CR1L: variants seen among roughly 807,000 people sequenced by gnomAD.
CR1L encodes the protein complement C3b/C4b receptor 1 like, also known as complement component receptor 1-like protein.
Under a neutral mutation model 62.3 loss-of-function variants are expected in CR1L, and 59 were observed. That is an observed-to-expected ratio of 0.95 (90% CI 0.77 to 1.18). The LOEUF is 1.18. CR1L is among the 50% of genes most tolerant of loss of function. CR1L has a pLI of 0.00. For missense variants in CR1L, 700 were observed against 702.8 expected (o/e 1.00, Z 0.04); for synonymous variants, 279 against 248.7 (o/e 1.12, Z -1.15).
chr1:207,661,548 T>C (rs553133551), intron 1 of CR1L, among the ~76,000 whole-genome samples: 1 of 152,216 alleles, frequency 6.6e-6, no homozygotes, highest in African/African-American at 2.4e-5. Context: ...TCTCTGCACA[T>C]GAGATGGGTT....
intron 9 of CR1L, among the ~76,000 whole-genome samples, chr1:207,706,258 A>C (rs1382394825): frequency 1.3e-5 from 2 of 151,716 alleles, no homozygotes; most frequent in Non-Finnish European, 2.9e-5. Flanking sequence ...CATCTCTACA[A>C]AAAAGTATAA....
In CR1L at chr1:207,669,902, G is replaced by A. The variant is rs964472412; in HGVS notation, c.98-7487G>A. ...TCGGCTGGCTATAGCCGAGCGTGGCGTCGATCCTAGCGAAACGGGACTTGG... is the reference window on the plus strand; with the variant it reads ...TCGGCTGGCTATAGCCGAGCGTGGCATCGATCCTAGCGAAACGGGACTTGG... On this transcript the variant is annotated intron_variant, in intron 1 of 11. Transcript: ENST00000508064. 6.0e-5 allele frequency among the ~76,000 whole-genome samples: 9 copies of A among 151,208 alleles called. 1 individual carries two copies. The highest frequency in any genetic ancestry group is 2.2e-4 in the African/African-American group (9 of 40,504).
chr1:207,645,230 G>T lies in CR1L; in HGVS notation c.-4G>T. ...GATAAATCACGGGGTCTCCCGCGCCGCTCATGGCGCCTCCCGTCCGTCTCG... is the reference window on the plus strand; with the variant it reads ...GATAAATCACGGGGTCTCCCGCGCCTCTCATGGCGCCTCCCGTCCGTCTCG... On this transcript the variant is annotated 5_prime_UTR_variant, in exon 1 of 12. Transcript: ENST00000508064. 3.7e-6 allele frequency: 6 copies of T among 1,612,770 alleles called. No individual in the cohort carries two copies. Among genetic ancestry groups the T allele is most frequent in the Non-Finnish European group, 5.1e-6 (6 of 1,179,932 alleles).
chr1:207,704,600 C>A (rs1241138781), intron 9 of CR1L, among the ~76,000 whole-genome samples: 1 of 152,176 alleles, frequency 6.6e-6, no homozygotes, highest in Non-Finnish European at 1.5e-5. Context: ...ATAGCCACAG[C>A]CACCCCAGCT....
Position 207,697,961 on chromosome 1 carries a change from AAGACAGAC to A in CR1L, c.1142+98_1142+105del. On this transcript the variant is annotated intron_variant, in intron 7 of 11. Coordinates refer to ENST00000508064, the MANE Select transcript of CR1L (RefSeq NM_175710.2). Reference sequence around the variant, plus strand: ...GGGGAGATTTGATGTGGCTTAAAAAAAGACAGACAGACAGACACACACACACACACACA... The same window carrying A: ...GGGGAGATTTGATGTGGCTTAAAAAAAGACAGACACACACACACACACACA... 6 of 1,472,436 alleles carry A rather than the reference AAGACAGAC, an allele frequency of 4.1e-6. No homozygotes were observed. The African/African-American group carries it at 4.1e-5, about 10-fold the overall frequency. 91.2% of individuals were successfully genotyped at this position (1,472,436 alleles called of 1,614,324 possible).
intron 1 of CR1L, among the ~76,000 whole-genome samples, chr1:207,675,294 G>A (rs1389493061): frequency 6.6e-6 from 1 of 152,212 alleles, no homozygotes; most frequent in Non-Finnish European, 1.5e-5. Flanking sequence ...GCAGAGGGAA[G>A]TAGTTTAGAT....
intron 8 of CR1L, among the ~76,000 whole-genome samples, chr1:207,701,271 G>T (rs896941598): frequency 6.6e-6 from 1 of 152,042 alleles, no homozygotes; most frequent in African/African-American, 2.4e-5. Context: ...TTTTGATAAG[G>T]GATGCAAGGT....
At position 207,723,599 on chromosome 1, in the gene CR1L, A is replaced by T; in HGVS notation, c.1643-19A>T. The T allele has an allele frequency of 1.9e-6, 3 of 1,578,402 alleles. No individual in the cohort carries two copies. Among genetic ancestry groups the T allele is most frequent in the Admixed American group, 1.8e-5 (1 of 55,800 alleles). ...TGCATGCCAGAGTGATGTTTTTGTGACTTTTGTCTTCCTTTTAGGTTCACA... is the reference window on the plus strand; with the variant it reads ...TGCATGCCAGAGTGATGTTTTTGTGTCTTTTGTCTTCCTTTTAGGTTCACA... On this transcript the variant is annotated intron_variant, in intron 11 of 11. Coordinates refer to ENST00000508064, the MANE Select transcript of CR1L (RefSeq NM_175710.2).
intron 1 of CR1L, chr1:207,655,283 A>C: frequency 1.5e-6 from 1 of 670,404 alleles, no homozygotes; most frequent in Non-Finnish European, 2.6e-6. Context: ...AAAGTAAGTA[A>C]ATTCTTTTTT....
chr1:207,699,483 A>G (rs1307259216), intron 8 of CR1L, among the ~76,000 whole-genome samples: 1 of 152,302 alleles, frequency 6.6e-6, no homozygotes, highest in East Asian at 1.9e-4. Flanking sequence ...TTTGTATTCT[A>G]TGTTCTATTG....
chr1:207,719,550 T>C (rs1176280020), intron 11 of CR1L, among the ~76,000 whole-genome samples: 1 of 151,918 alleles, frequency 6.6e-6, no homozygotes, highest in Non-Finnish European at 1.5e-5. Context: ...CAAAACTCTG[T>C]CTCTACAAAA....
In CR1L at chr1:207,697,763, T is replaced by A. The variant is rs748992116; in HGVS notation, c.1040-8T>A. ...CAGTTATTTCTGTTCGTTTTTCTTT[T>A]TTTCCAGTGAAATCCTGTGATGACT... On this transcript the variant is annotated splice_polypyrimidine_tract_variant and splice_region_variant and intron_variant, in intron 6 of 11. Coordinates refer to ENST00000508064, the MANE Select transcript of CR1L (RefSeq NM_175710.2). The A allele has an allele frequency of 1.9e-5, 31 of 1,613,938 alleles. No individual in the cohort carries two copies. Among genetic ancestry groups the A allele is most frequent in the African/African-American group, 2.7e-5 (2 of 74,926 alleles).
In CR1L at chr1:207,694,592, G is replaced by C; in HGVS notation, c.703G>C (p.Val235Leu). The change falls in exon 5 of 12, where the codon GTG becomes CTG. Residue 235 changes from valine to leucine, a missense_variant. Val to Leu is a conservative substitution (Grantham distance 32). Coordinates refer to ENST00000508064, the MANE Select transcript of CR1L (RefSeq NM_175710.2). Reference sequence around the variant, plus strand: ...ACCTAACAAATGCACGCCTCCAAATGTGGAAAATGGAATATTGGTATCTGA... The same window carrying C: ...ACCTAACAAATGCACGCCTCCAAATCTGGAAAATGGAATATTGGTATCTGA... ...IIPNKCTPPN[V>L]ENGILVSDNR... 6.2e-7 allele frequency: 1 copy of C among 1,611,972 alleles called. No individual in the cohort carries two copies. The highest frequency in any genetic ancestry group is 8.5e-7 in the Non-Finnish European group (1 of 1,179,730).
chr1:207,668,748 A>C (rs1663562388), intron 1 of CR1L, among the ~76,000 whole-genome samples: 1 of 150,932 alleles, frequency 6.6e-6, no homozygotes, highest in African/African-American at 2.5e-5. Context: ...TCCATCTCCA[A>C]TATCTTTGTT....
intron 1 of CR1L, among the ~76,000 whole-genome samples, chr1:207,650,942 C>T (rs919087287): frequency 9.2e-5 from 14 of 152,112 alleles, no homozygotes; most frequent in Admixed American, 7.9e-4. Flanking sequence ...TGTGCCACTA[C>T]ACCTGGCTAA....
At chr1:207,669,572 C>T (rs1663577436) in intron 1 of CR1L, 3 of 1,507,204 alleles carry the variant, frequency 2.0e-6, no homozygotes, top group Non-Finnish European at 2.7e-6. Context: ...TGGGGTGAAA[C>T]GCTGGGGGGC....
At chr1:207,710,223 A>G (rs1437334794) in intron 10 of CR1L, among the ~76,000 whole-genome samples, 4 of 152,050 alleles carry the variant, frequency 2.6e-5, no homozygotes, top group Non-Finnish European at 4.4e-5. Context: ...GCGTGCCTGT[A>G]ATCCCAGCTA....
chr1:207,702,569 C>T (rs1271477775), intron 9 of CR1L, among the ~76,000 whole-genome samples: 2 of 152,118 alleles, frequency 1.3e-5, no homozygotes, highest in Non-Finnish European at 2.9e-5. Context: ...GTTGCAAAGG[C>T]AAAGCAAAAG....
At chr1:207,657,339 T>C (rs1310223800) in intron 1 of CR1L, 1 of 896,826 alleles carries the variant, frequency 1.1e-6, no homozygotes, top group African/African-American at 1.6e-5. Flanking sequence ...TCAATTTATT[T>C]CCTTCTTCAT....
Sources: gnomAD v4.1 joint callset for allele counts (sites outside exome capture counted in the v4.1 genomes callset) on GRCh38, gnomAD v4.1.1 for gene constraint, MANE v1.5 for transcripts, NCBI Gene and HGNC (gene_info 2026-07-23, HGNC 2026-07-21) for gene names.